CFAP410: variants seen among roughly 807,000 people sequenced by gnomAD.
CFAP410 encodes the protein cilia- and flagella-associated protein 410.
A neutral mutation model predicts 25.7 loss-of-function variants in CFAP410; 27 were observed. That is an observed-to-expected ratio of 1.05 (90% CI 0.77 to 1.45). The LOEUF is 1.45. CFAP410 is among the 40% of genes most tolerant of loss of function. The probability of loss-of-function intolerance (pLI) is 0.00; values close to 1 mark genes in which losing one functional copy is unlikely to be tolerated. For synonymous variants in CFAP410, 178 were observed against 158.4 expected (o/e 1.12, Z -0.93); for missense variants, 428 against 354.1 (o/e 1.21, Z -1.67).
intron 1 of CFAP410, chr21:44,338,257 T>G (rs1602091118): frequency 7.8e-7 from 1 of 1,282,188 alleles, no homozygotes; most frequent in Non-Finnish European, 1.0e-6. Flanking sequence ...CGGACACCCC[T>G]GGGAGGAAGC....
In CFAP410 at chr21:44,330,666, C is replaced by T. The variant is rs765602433; in HGVS notation, c.642+157G>A. Reference sequence around the variant, plus strand: ...GTGTGCGCATTCACAGACCCGCACACGCAGCTCCCCCTGGGGCACAGCTCT... The same window carrying T: ...GTGTGCGCATTCACAGACCCGCACATGCAGCTCCCCCTGGGGCACAGCTCT... On this transcript the variant is annotated intron_variant, in intron 6 of 6. Transcript: ENST00000339818. 36 of 1,550,252 alleles carry T rather than the reference C, an allele frequency of 2.3e-5. No individual in the cohort carries two copies. The Admixed American group carries it at 2.4e-4, about 10-fold the overall frequency.
rs1018833864 is a variant in CFAP410, at chr21:44,338,666, G to C, written c.77+452C>G. ...GGGCAAAGGCGGGCCGGGAAATGGGGGGGGGCCCAGGCGACCCCGACCCCC... is the reference window on the plus strand; with the variant it reads ...GGGCAAAGGCGGGCCGGGAAATGGGCGGGGGCCCAGGCGACCCCGACCCCC... On this transcript the variant is annotated intron_variant, in intron 1 of 6. Transcript: ENST00000339818. 28 of 169,364 alleles carry C rather than the reference G, an allele frequency of 1.7e-4. No individual in the cohort carries two copies. In the South Asian group the frequency reaches 2.8e-3, roughly 17 times the overall value. The allele number at this position is 169,364 out of a possible 1,614,324, so 10.5% of individuals were successfully genotyped here.
rs367740530 is a variant in CFAP410, at chr21:44,339,186, C to G, written c.9G>C (p.Leu3=). The change falls in exon 1 of 7, where the codon CTG becomes CTC. Residue 3 remains leucine, a synonymous_variant. Transcript: ENST00000339818. ...CCCGGGTCAGAACCATCTTCCGCGT[C>G]AGCTTCATGGCGGCCGCCCAGGCCC... The part of the protein sequence containing the change: MK[L]TRKMVLTRAK... 440 of 1,466,748 alleles carry G rather than the reference C, an allele frequency of 3.0e-4. 1 individual carries two copies. The African/African-American group carries it at 5.6e-3, about 19-fold the overall frequency. 90.9% of individuals were successfully genotyped at this position (1,466,748 alleles called of 1,614,324 possible).
chr21:44,333,288 G>C, intron 3 of CFAP410, 26 bp from the exon 4 acceptor site: 1 of 1,577,360 alleles, frequency 6.3e-7, no homozygotes, highest in Non-Finnish European at 8.6e-7. Context: ...CACAGTCAGC[G>C]AGGGACGTGG....
At position 44,330,203 on chromosome 21, in the gene CFAP410, C is replaced by T. The variant is rs766177483; in HGVS notation, c.766G>A (p.Glu256Lys). 18 of 1,565,182 alleles carry T rather than the reference C, an allele frequency of 1.2e-5. No homozygotes were observed. Among genetic ancestry groups the T allele is most frequent in the South Asian group, 1.0e-4 (9 of 86,072 alleles). Reference protein sequence around the residue: ...LRGEEVQEHAE With the variant: ...LRGEEVQEHAK ...GCGGCGTTCAGGTCCTGCGGTCACT[C>T]GGCGTGCTCCTGCACCTCTTCCCCA... The change falls in exon 7 of 7, where the codon GAG (glutamate) becomes AAG (lysine). Residue 256 changes from glutamate (E) to lysine (K), a missense_variant. Physicochemically the swap from Glu to Lys is moderately conservative, Grantham distance 56 (BLOSUM62 1). Transcript: ENST00000339818.
chr21:44,337,551 C>A, intron 2 of CFAP410, 98 bp downstream of exon 2: 2 of 1,130,676 alleles, frequency 1.8e-6, no homozygotes, highest in South Asian at 2.7e-5. Context: ...GCAGTTTTGT[C>A]AACTTAAAAA....
At chr21:44,336,558 A>G (rs986542250) in intron 2 of CFAP410, among the ~76,000 whole-genome samples, 1 of 152,220 alleles carries the variant, frequency 6.6e-6, no homozygotes, top group Non-Finnish European at 1.5e-5. Context: ...CACATATGTG[A>G]GAGCCCACCA....
chr21:44,337,951 CA>C (rs1248669828), intron 1 of CFAP410, among the ~76,000 whole-genome samples: 2 of 152,214 alleles, frequency 1.3e-5, no homozygotes, highest in Non-Finnish European at 2.9e-5. Context: ...AACTCTTCCT[CA>C]TGGTCCCTGA....
intron 3 of CFAP410, 199 bp from the exon 4 acceptor site, chr21:44,333,461 C>G (rs968985864): frequency 3.3e-6 from 2 of 598,860 alleles, no homozygotes; most frequent in Non-Finnish European, 5.9e-6. Flanking sequence ...GCCCTGAACT[C>G]AAAGGCGGAC....
chr21:44,335,474 T>C, intron 3 of CFAP410: 1 of 500,110 alleles, frequency 2.0e-6, no homozygotes, highest in South Asian at 2.5e-5. Flanking sequence ...AGCAATGGCT[T>C]ATCGGAGCAC....
At chr21:44,336,740 T>C (rs941602040) in intron 2 of CFAP410, 1 of 152,074 alleles carries the variant, frequency 6.6e-6, no homozygotes, top group Non-Finnish European at 1.5e-5. Flanking sequence ...CTTTTTTTTG[T>C]CTTTAAGAAA....
Position 44,331,055 on chromosome 21 carries a change from A to G in CFAP410, c.546-136T>C, listed in dbSNP as rs375671585. The G allele has an allele frequency of 3.6e-4, 288 of 792,376 alleles. 1 individual carries two copies. In the African/African-American group the frequency reaches 4.3e-3, roughly 12 times the overall value. The allele number at this position is 792,376 out of a possible 1,614,324, so 49.1% of individuals were successfully genotyped here. A position where few individuals can be genotyped will look rare whatever the true frequency, so the allele number is the denominator to read the frequency against. ...CCCACCTGGCACACGGGGGCAAGAGAAGGGAGGCAACTCCTGGGAGGTCAG... is the reference window on the plus strand; with the variant it reads ...CCCACCTGGCACACGGGGGCAAGAGGAGGGAGGCAACTCCTGGGAGGTCAG... On this transcript the variant is annotated intron_variant, in intron 5 of 6. Coordinates refer to ENST00000339818, the MANE Select transcript of CFAP410 (RefSeq NM_004928.3).
intron 5 of CFAP410, chr21:44,331,528 C>G (rs529643120): frequency 3.9e-5 from 15 of 386,740 alleles, no homozygotes; most frequent in African/African-American, 3.0e-4. Flanking sequence ...CCACCCCCCC[C>G]ACCAGGGGCT....
Position 44,330,269 on chromosome 21 carries a change from C to T in CFAP410, c.700G>A (p.Ala234Thr), listed in dbSNP as rs765281610. The T allele has an allele frequency of 5.6e-6, 9 of 1,605,656 alleles. No individual in the cohort carries two copies. The highest frequency in any genetic ancestry group is 5.3e-5 in the African/African-American group (4 of 74,870). Residue 234 changes from alanine to threonine, a missense_variant, in exon 7 of 7, where the codon GCC (alanine) becomes ACC (threonine). Physicochemically the swap from Ala to Thr is moderately conservative, Grantham distance 58. Coordinates refer to ENST00000339818, the MANE Select transcript of CFAP410 (RefSeq NM_004928.3). Reference protein sequence around the residue: ...LRELDAEGLEAVQQTVGSRLQ... With the variant: ...LRELDAEGLETVQQTVGSRLQ... ...CGGCTGCCCACAGTCTGCTGCACGG[C>T]CTCCAGCCCCTCTGCATCCAGCTCC... is the stretch of plus-strand genomic sequence containing the variant.
chr21:44,334,607 T>C (rs2047719797), intron 3 of CFAP410: 1 of 272,814 alleles, frequency 3.7e-6, no homozygotes, highest in Non-Finnish European at 6.8e-6. Context: ...CTCATCTCCC[T>C]GTGGGGTGGG....
chr21:44,333,129 A>G lies in CFAP410; in HGVS notation c.277T>C (p.Trp93Arg), dbSNP rs1227007389. Reference protein sequence around the residue: ...LKGLPRLRVLWLAENPCCGTS... With the variant: ...LKGLPRLRVLRLAENPCCGTS... ...CCGCAGCACGGGTTCTCGGCCAGCC[A>G]CAGCACCCGCAGACGCGGCAGCCCC... The change falls in exon 4 of 7, where the codon TGG becomes CGG. Residue 93 changes from tryptophan (W) to arginine (R), a missense_variant. By Grantham distance (101) the Trp-to-Arg change is moderately radical. Coordinates refer to ENST00000339818, the MANE Select transcript of CFAP410 (RefSeq NM_004928.3). The G allele has an allele frequency of 6.2e-7, 1 of 1,611,998 alleles. No homozygotes were observed. The highest frequency in any genetic ancestry group is 8.5e-7 in the Non-Finnish European group (1 of 1,179,636).
At chr21:44,332,085 C>T (rs1040459884) in intron 4 of CFAP410, 71 bp from the exon 5 acceptor site, 12 of 1,321,694 alleles carry the variant, frequency 9.1e-6, no homozygotes, top group South Asian at 2.9e-5. Context: ...CTGCAGCTCC[C>T]GTCCTCACTG....
intron 3 of CFAP410, chr21:44,334,224 C>G (rs59596996): frequency 4.4e-6 from 2 of 456,162 alleles, no homozygotes; most frequent in Non-Finnish European, 8.8e-6. Context: ...GTCAACACCC[C>G]TGGGGTCCTG....
chr21:44,329,877 G>A lies in CFAP410; in HGVS notation c.*321C>T, dbSNP rs181149547. On this transcript the variant is annotated 3_prime_UTR_variant, in exon 7 of 7. Coordinates refer to ENST00000339818, the MANE Select transcript of CFAP410 (RefSeq NM_004928.3). ...CTGTCACAACCATGCCTTGGGAAAC[G>A]TCACCTCCAGATCAACCTTGGGAAA... is the stretch of plus-strand genomic sequence containing the variant. 3 of 290,912 alleles carry A rather than the reference G, an allele frequency of 1.0e-5. No homozygotes were observed. Among genetic ancestry groups the A allele is most frequent in the South Asian group, 6.8e-5 (1 of 14,614 alleles). 18.0% of individuals were successfully genotyped at this position (290,912 alleles called of 1,614,324 possible). A position where few individuals can be genotyped will look rare whatever the true frequency, so the allele number is the denominator to read the frequency against.
Sources: gnomAD v4.1 joint callset for allele counts (sites outside exome capture counted in the v4.1 genomes callset) on GRCh38, gnomAD v4.1.1 for gene constraint, MANE v1.5 for transcripts, NCBI Gene and HGNC (gene_info 2026-07-23, HGNC 2026-07-21) for gene names.